LARGE1: variants seen among roughly 807,000 people sequenced by gnomAD.
LARGE1 encodes LARGE xylosyl- and glucuronyltransferase 1, also known as xylosyl- and glucuronyltransferase LARGE1.
Under a neutral mutation model 87.6 loss-of-function variants are expected in LARGE1, and 43 were observed. The observed-to-expected ratio is 0.49, with a 90% CI of 0.38 to 0.63. The LOEUF is 0.63. Ranked by LOEUF, LARGE1 falls within the 30% of genes least tolerant of loss-of-function variation. The pLI is 0.00. For synonymous variants in LARGE1, 434 were observed against 394.6 expected (o/e 1.10, Z -1.18); for missense variants, 802 against 1,000.2 (o/e 0.80, Z 2.67).
intron 11 of LARGE1, among the ~76,000 whole-genome samples, chr22:33,231,939 G>A (rs1238345331): frequency 6.6e-6 from 1 of 152,142 alleles, no homozygotes. Context: ...ACTTTTGCCA[G>A]ACACCTTAAA....
At chr22:33,213,448 A>G (rs918976777) in intron 11 of LARGE1, among the ~76,000 whole-genome samples, 71 of 152,250 alleles carry the variant, frequency 4.7e-4, no homozygotes, top group African/African-American at 1.7e-3. Context: ...GCTATCAAAC[A>G]GCATCTCATG....
At chr22:33,198,147 T>TG (rs916794713) in intron 11 of LARGE1, among the ~76,000 whole-genome samples, 1 of 151,878 alleles carries the variant, frequency 6.6e-6, no homozygotes, top group African/African-American at 2.4e-5. Flanking sequence ...GTGTGGTGGG[T>TG]GGGGGGAACA....
intron 5 of LARGE1, among the ~76,000 whole-genome samples, chr22:33,567,552 A>G (rs1321598176): frequency 6.6e-6 from 1 of 152,172 alleles, no homozygotes; most frequent in Non-Finnish European, 1.5e-5. Flanking sequence ...CACCTTGGAC[A>G]GGTTTGCTCA....
intron 2 of LARGE1, among the ~76,000 whole-genome samples, chr22:33,685,103 G>A (rs370815181): frequency 6.6e-6 from 1 of 152,168 alleles, no homozygotes; most frequent in East Asian, 1.9e-4. Context: ...CACACACAAG[G>A]AAAGGGCAAG....
At chr22:33,755,962 T>A (rs5994795) in intron 2 of LARGE1, among the ~76,000 whole-genome samples, 41,117 of 152,078 alleles carry the variant, frequency 0.27, 6,375 homozygotes, top group Non-Finnish European at 0.35. Flanking sequence ...GAAAATGACA[T>A]TGAATATGGG....
chr22:33,317,214 A>AAAAC (rs772830508), intron 10 of LARGE1, among the ~76,000 whole-genome samples: 92 of 152,286 alleles, frequency 6.0e-4, no homozygotes, highest in African/African-American at 1.7e-3. Context: ...ACTCCAACTC[A>AAAAC]AAACAAACAA....
chr22:33,198,657 A>T (rs1196949090), intron 11 of LARGE1, among the ~76,000 whole-genome samples: 3 of 146,876 alleles, frequency 2.0e-5, no homozygotes, highest in Admixed American at 1.3e-4. Flanking sequence ...ACACACACAC[A>T]CACACACACA....
intron 6 of LARGE1, among the ~76,000 whole-genome samples, chr22:33,544,257 T>C (rs2077291682): frequency 6.6e-6 from 1 of 152,220 alleles, no homozygotes; most frequent in Admixed American, 6.5e-5. Context: ...TCTGTGAGTA[T>C]GACATACACT....
At chr22:33,680,027 C>T (rs774210361) in intron 2 of LARGE1, among the ~76,000 whole-genome samples, 6 of 152,094 alleles carry the variant, frequency 3.9e-5, no homozygotes, top group South Asian at 2.1e-4. Context: ...TACTTTATTA[C>T]GGCAGCTGTG....
chr22:33,220,740 A>C (rs1602109550), intron 11 of LARGE1, among the ~76,000 whole-genome samples: 1 of 152,312 alleles, frequency 6.6e-6, no homozygotes, highest in Non-Finnish European at 1.5e-5. Context: ...GCAGCACAGA[A>C]AAGGAATCAA....
At chr22:33,400,149 A>G (rs1289254479) in intron 7 of LARGE1, among the ~76,000 whole-genome samples, 3 of 152,248 alleles carry the variant, frequency 2.0e-5, no homozygotes, top group Non-Finnish European at 4.4e-5. Context: ...CGCAGGAGAT[A>G]ACATTTACTG....
At chr22:33,822,428 G>A (rs998908801) in intron 1 of LARGE1, among the ~76,000 whole-genome samples, 1 of 152,194 alleles carries the variant, frequency 6.6e-6, no homozygotes, top group Admixed American at 6.5e-5. Context: ...GCAAAGTGCA[G>A]TGGCTCATAC....
chr22:33,437,267 T>C (rs557766060), intron 6 of LARGE1, among the ~76,000 whole-genome samples: 66 of 152,270 alleles, frequency 4.3e-4, no homozygotes, highest in South Asian at 2.3e-3. Flanking sequence ...CATAAACCAG[T>C]AGAATTCATT....
intron 7 of LARGE1, among the ~76,000 whole-genome samples, chr22:33,398,982 TA>T (rs1164137501): frequency 6.6e-6 from 1 of 152,276 alleles, no homozygotes; most frequent in Non-Finnish European, 1.5e-5. Context: ...TCTGCTTTTT[TA>T]AAAAAAATTT....
chr22:33,770,881 G>C (rs991307110), intron 1 of LARGE1, among the ~76,000 whole-genome samples: 1 of 151,966 alleles, frequency 6.6e-6, no homozygotes, highest in Non-Finnish European at 1.5e-5. Context: ...TAATCTCCGC[G>C]TGACCATTCT....
At chr22:33,419,195 A>T (rs1319637285) in intron 7 of LARGE1, among the ~76,000 whole-genome samples, 1 of 152,050 alleles carries the variant, frequency 6.6e-6, no homozygotes, top group African/African-American at 2.4e-5. Context: ...AAAAAACCTC[A>T]GATCTCAGGA....
chr22:33,561,561 A>C (rs1178700068), intron 6 of LARGE1, among the ~76,000 whole-genome samples: 1 of 152,226 alleles, frequency 6.6e-6, no homozygotes, highest in Non-Finnish European at 1.5e-5. Flanking sequence ...ACCCCGGTGT[A>C]GCTACGGGCT....
In LARGE1 at chr22:33,304,511, G is replaced by T. The variant is rs1228105961; in HGVS notation, c.1452-4C>A. The T allele has an allele frequency of 6.3e-7, 1 of 1,584,202 alleles. No individual in the cohort carries two copies. The highest frequency in any genetic ancestry group is 1.8e-5 in the Admixed American group (1 of 55,970). On this transcript the variant is annotated splice_region_variant and splice_polypyrimidine_tract_variant and intron_variant, in intron 11 of 14. Coordinates refer to ENST00000397394, the MANE Select transcript of LARGE1 (RefSeq NM_133642.5). ...GATGGCCTCCAGCATCTGGAGCCTG[G>T]AAGAGACAGGGAGGGTGAGCCGCGG...
intron 2 of LARGE1, among the ~76,000 whole-genome samples, chr22:33,651,555 G>A (rs1021062342): frequency 6.6e-5 from 10 of 152,016 alleles, no homozygotes; most frequent in African/African-American, 7.2e-5. Context: ...CACATATTCC[G>A]AAATAATTTG....
Sources: allele counts gnomAD v4.1 joint callset (sites outside exome capture counted in the v4.1 genomes callset), GRCh38; gene constraint gnomAD v4.1.1; transcripts MANE v1.5; gene names NCBI Gene and HGNC (gene_info 2026-07-23, HGNC 2026-07-21).